Variants in SND1 observed in about 807,000 individuals in gnomAD.
SND1 encodes the protein staphylococcal nuclease domain-containing protein 1.
A neutral mutation model predicts 121.7 loss-of-function variants in SND1; 38 were observed. The ratio of observed to expected loss-of-function variants is 0.31; its 90% CI spans 0.24 to 0.41. The LOEUF (loss-of-function observed/expected upper bound fraction) is 0.41, where lower values mean the gene tolerates loss of function less well. Ranked by LOEUF, SND1 falls within the 10% of genes least tolerant of loss-of-function variation. The pLI is 1.00. For missense variants in SND1, 868 were observed against 1,184.6 expected (o/e 0.73, Z 3.92); for synonymous variants, 401 against 447.4 (o/e 0.90, Z 1.31).
In SND1 at chr7:127,927,717, C is replaced by T. The variant is rs556974251; in HGVS notation, c.1528-1471C>T. The stretch of plus-strand genomic sequence containing the variant: ...TAGTTACTATGAATACTGTTTTCAT[C>T]CCAGCCTACCTCACTGCTTCTGAAT... On this transcript the variant is annotated intron_variant, in intron 14 of 23. Coordinates refer to ENST00000354725, the MANE Select transcript of SND1 (RefSeq NM_014390.4). Among the ~76,000 whole-genome samples the T allele has an allele frequency of 1.2e-4, 19 of 152,334 alleles. No homozygotes were observed. The South Asian group carries it at 3.9e-3, about 32-fold the overall frequency.
At chr7:127,696,713 GTTTAT>G (rs1288594408) in intron 3 of SND1, among the ~76,000 whole-genome samples, 2 of 152,132 alleles carry the variant, frequency 1.3e-5, no homozygotes, top group African/African-American at 4.8e-5. Flanking sequence ...TGGCCAAATT[GTTTAT>G]TTTAAGAGAA....
At position 127,910,111 on chromosome 7, in the gene SND1, A is replaced by T. The variant is rs188599258; in HGVS notation, c.1527+5292A>T. ...TTAATATTTAGGCCTTGATGGAAGC[A>T]TAAGAAAAAAATTATTACTCTTTTT... On this transcript the variant is annotated intron_variant, in intron 14 of 23. Coordinates refer to ENST00000354725, the MANE Select transcript of SND1 (RefSeq NM_014390.4). Among the ~76,000 whole-genome samples the T allele has an allele frequency of 2.0e-5, 3 of 152,282 alleles. No homozygotes were observed. The East Asian group carries it at 5.8e-4, about 29-fold the overall frequency.
chr7:127,667,202 G>C (rs1795433507), intron 1 of SND1, among the ~76,000 whole-genome samples: 2 of 152,132 alleles, frequency 1.3e-5, no homozygotes, highest in Admixed American at 1.3e-4. Flanking sequence ...ATTCTTTAGA[G>C]ATGATTCACT....
intron 16 of SND1, among the ~76,000 whole-genome samples, chr7:128,024,679 T>C (rs1244853793): frequency 6.6e-6 from 1 of 152,240 alleles, no homozygotes; most frequent in African/African-American, 2.4e-5. Context: ...AAAGCTAATG[T>C]CTCTAGGCCT....
chr7:127,662,410 A>T (rs1795330448), intron 1 of SND1, among the ~76,000 whole-genome samples: 1 of 151,846 alleles, frequency 6.6e-6, no homozygotes, highest in Non-Finnish European at 1.5e-5. Flanking sequence ...TTTTCTGTTG[A>T]TATATGTTGT....
At chr7:127,923,561 T>A in intron 14 of SND1, among the ~76,000 whole-genome samples, 1 of 152,188 alleles carries the variant, frequency 6.6e-6, no homozygotes, top group South Asian at 2.1e-4. Flanking sequence ...TTTCAAGAGA[T>A]GATCATGCTG....
intron 12 of SND1, among the ~76,000 whole-genome samples, chr7:127,879,616 G>C (rs537661450): frequency 6.6e-6 from 1 of 152,258 alleles, no homozygotes; most frequent in South Asian, 2.1e-4. Flanking sequence ...CGATAAGTGA[G>C]ATCAGCCATG....
intron 10 of SND1, among the ~76,000 whole-genome samples, chr7:127,753,437 TA>T (rs757035190): frequency 1.2e-4 from 18 of 151,992 alleles, no homozygotes; most frequent in Admixed American, 2.6e-4. Flanking sequence ...GAGATGTTGA[TA>T]TTTTTTTTCT....
At position 127,964,394 on chromosome 7, in the gene SND1, C is replaced by T. The variant is rs900735203; in HGVS notation, c.1670-26553C>T. On this transcript the variant is annotated intron_variant, in intron 15 of 23. Transcript: ENST00000354725. ...AGGGTTTTTATGGTTTTAGGTCTAACGTTTAAATCTTTAATCCATCTTGAA... is the reference window on the plus strand; with the variant it reads ...AGGGTTTTTATGGTTTTAGGTCTAATGTTTAAATCTTTAATCCATCTTGAA... 4.8e-5 allele frequency among the ~76,000 whole-genome samples: 7 copies of T among 146,002 alleles called. No homozygotes were observed. The East Asian group carries it at 9.9e-4, about 21-fold the overall frequency.
At chr7:127,710,491 G>A (rs1641382542) in intron 9 of SND1, among the ~76,000 whole-genome samples, 2 of 150,462 alleles carry the variant, frequency 1.3e-5, no homozygotes, top group Admixed American at 1.3e-4. Flanking sequence ...TGATGTAGTT[G>A]ATTAATGTTC....
chr7:127,728,143 T>C (rs558198470), intron 10 of SND1, among the ~76,000 whole-genome samples: 102 of 152,314 alleles, frequency 6.7e-4, no homozygotes, highest in African/African-American at 2.4e-3. Flanking sequence ...TTGATTTCCT[T>C]TCTTCTCCCC....
rs116450472 is a variant in SND1, at chr7:127,865,173, T to C, written c.1343+20749T>C. ...GAAACACTATTGATGATTACATTAG[T>C]GTATCCCTCTGAGAGCATCTACACA... On this transcript the variant is annotated intron_variant, in intron 12 of 23. Transcript: ENST00000354725. 5.1e-3 allele frequency among the ~76,000 whole-genome samples: 778 copies of C among 151,524 alleles called. 15 individuals are homozygous for C. Among genetic ancestry groups the C allele is most frequent in the African/African-American group, 0.018 (746 of 41,246 alleles).
At chr7:127,736,528 G>T (rs1362553774) in intron 10 of SND1, among the ~76,000 whole-genome samples, 1 of 152,046 alleles carries the variant, frequency 6.6e-6, no homozygotes, top group Non-Finnish European at 1.5e-5. Context: ...ATGAAAATTT[G>T]CCTTGAAGTA....
chr7:127,968,373 T>C (rs930286462), intron 15 of SND1, among the ~76,000 whole-genome samples: 32 of 152,338 alleles, frequency 2.1e-4, no homozygotes, highest in South Asian at 1.2e-3. Context: ...GATATATGTA[T>C]GTAATGTTGG....
chr7:128,028,594 GA>G lies in SND1; in HGVS notation c.1779+37543del, dbSNP rs1303095039. The G allele has an allele frequency of 7.0e-6, 9 of 1,294,724 alleles. No homozygotes were observed. The African/African-American group carries it at 1.2e-4, about 17-fold the overall frequency. The allele number at this position is 1,294,724 out of a possible 1,614,324, so 80.2% of individuals were successfully genotyped here. A position where few individuals can be genotyped will look rare whatever the true frequency, so the allele number is the denominator to read the frequency against. On this transcript the variant is annotated intron_variant, in intron 16 of 23. Coordinates refer to ENST00000354725, the MANE Select transcript of SND1 (RefSeq NM_014390.4). ...AGACTTAATATATAAGCATATACAA[GA>G]AAAAGTCTCTCCCCACTCTGTACAA...
intron 15 of SND1, among the ~76,000 whole-genome samples, chr7:127,981,047 A>C (rs568563845): frequency 1.3e-5 from 2 of 152,332 alleles, no homozygotes; most frequent in South Asian, 2.1e-4. Context: ...TGAGGTTCTC[A>C]TAGAAACCAA....
intron 10 of SND1, among the ~76,000 whole-genome samples, chr7:127,794,181 G>A (rs942584622): frequency 2.2e-4 from 33 of 152,168 alleles, no homozygotes; most frequent in African/African-American, 8.0e-4. Context: ...TCATTTTACT[G>A]AATATTTATG....
intron 11 of SND1, among the ~76,000 whole-genome samples, chr7:127,836,458 A>G (rs1563030195): frequency 6.6e-6 from 1 of 152,156 alleles, no homozygotes; most frequent in South Asian, 2.1e-4. Flanking sequence ...TCTGGGCTGG[A>G]TTGGAGAGTT....
intron 9 of SND1, among the ~76,000 whole-genome samples, chr7:127,708,557 A>G (rs1796246353): frequency 6.6e-6 from 1 of 152,000 alleles, no homozygotes; most frequent in South Asian, 2.1e-4. Context: ...TATGACCTCA[A>G]GTTTCTCTTC....
Sources: gnomAD v4.1 joint callset for allele counts (sites outside exome capture counted in the v4.1 genomes callset) on GRCh38, gnomAD v4.1.1 for gene constraint, MANE v1.5 for transcripts, NCBI Gene and HGNC (gene_info 2026-07-23, HGNC 2026-07-21) for gene names.